The following IL9R variants were observed in gnomAD, a reference collection of about 807,000 sequenced individuals.
IL9R encodes interleukin-9 receptor.
IL9R carries 54 observed loss-of-function variants against 56.3 expected under a neutral mutation model. The observed-to-expected ratio is 0.96, with a 90% CI of 0.77 to 1.20. The LOEUF is 1.20. Ranked by LOEUF, IL9R falls within the 50% of genes most tolerant of loss-of-function variation. IL9R has a pLI of 0.00. For missense variants in IL9R, 545 were observed against 629.8 expected (o/e 0.87, Z 1.44); for synonymous variants, 212 against 250.2 (o/e 0.85, Z 1.44).
intron 8 of IL9R, among the ~76,000 whole-genome samples, chrX:156,009,307 T>G (rs2068309113): frequency 6.6e-6 from 1 of 150,942 alleles, no homozygotes; most frequent in Admixed American, 6.6e-5. Context: ...TATGTGTGTG[T>G]GTCTGTGTGT....
intron 1 of IL9R, among the ~76,000 whole-genome samples, chrX:156,001,697 A>G (rs2067541892): frequency 6.6e-6 from 1 of 152,016 alleles, no homozygotes; most frequent in Non-Finnish European, 1.5e-5. Flanking sequence ...GTCTTGTATA[A>G]CCAGGCTGGC....
intron 1 of IL9R, among the ~76,000 whole-genome samples, chrX:156,002,114 G>T (rs1169475256): frequency 6.6e-6 from 1 of 152,020 alleles, no homozygotes; most frequent in Non-Finnish European, 1.5e-5. Flanking sequence ...GGCCAAGGCA[G>T]GTGGATCCCT....
intron 1 of IL9R, among the ~76,000 whole-genome samples, chrX:155,998,868 G>A (rs2067316463): frequency 6.6e-6 from 1 of 152,018 alleles, no homozygotes; most frequent in Non-Finnish European, 1.5e-5. Flanking sequence ...CTGTGGGAGG[G>A]GTGTTTTGGG....
rs146403711 is a variant in IL9R, at chrX:156,004,261, G to A, written c.434-159G>A. 745 of 684,842 alleles carry A rather than the reference G, an allele frequency of 1.1e-3. 7 individuals are homozygous for A. In the African/African-American group the frequency reaches 0.011, roughly 10 times the overall value. 42.4% of individuals were successfully genotyped at this position (684,842 alleles called of 1,614,324 possible). On this transcript the variant is annotated intron_variant, in intron 4 of 8. Coordinates refer to ENST00000244174, the MANE Select transcript of IL9R (RefSeq NM_002186.3). ...GAGGAAGTCATTGCTGTCCTGTCCCGCCTGGGGCTTTTGTGGACCAGTCTC... is the reference window on the plus strand; with the variant it reads ...GAGGAAGTCATTGCTGTCCTGTCCCACCTGGGGCTTTTGTGGACCAGTCTC...
intron 1 of IL9R, among the ~76,000 whole-genome samples, chrX:155,999,666 C>G (rs2067380639): frequency 6.6e-6 from 1 of 152,156 alleles, no homozygotes; most frequent in Non-Finnish European, 1.5e-5. Flanking sequence ...GGCTCCATGT[C>G]CCCAGGCTCC....
intron 6 of IL9R, 71 bp downstream of exon 6, chrX:156,005,550 G>A: frequency 1.5e-6 from 2 of 1,316,790 alleles, no homozygotes; most frequent in East Asian, 2.3e-5. Flanking sequence ...GTTCACCTCA[G>A]CCCTGCACCC....
intron 1 of IL9R, among the ~76,000 whole-genome samples, chrX:155,998,808 T>G (rs946018098): frequency 3.3e-5 from 5 of 151,990 alleles, no homozygotes; most frequent in African/African-American, 1.2e-4. Flanking sequence ...AGGAGCCTCA[T>G]GTAGGGACAA....
intron 1 of IL9R, among the ~76,000 whole-genome samples, chrX:156,001,927 C>T (rs2067559851): frequency 6.6e-6 from 1 of 152,184 alleles, no homozygotes; most frequent in South Asian, 2.1e-4. Context: ...TGCCTTGGAA[C>T]AGGGGTGCAA....
At chrX:156,009,248 G>GTGTGTGTGTA (rs1569479052) in intron 8 of IL9R, among the ~76,000 whole-genome samples, 87 of 94,910 alleles carry the variant, frequency 9.2e-4, no homozygotes, top group Non-Finnish European at 1.1e-3. Context: ...TGTGGTGTGT[G>GTGTGTGTGTA]TGTCTGTGTG....
intron 8 of IL9R, among the ~76,000 whole-genome samples, chrX:156,009,244 GTGTGTGTC>G (rs1569479038): frequency 3.2e-4 from 11 of 33,916 alleles, no homozygotes; most frequent in East Asian, 3.4e-3. Flanking sequence ...TTCGTGTGGT[GTGTGTGTC>G]TGTGTGTGTG....
Position 156,010,498 on chromosome X carries a change from A to C in IL9R, c.*89A>C. The C allele has an allele frequency of 7.7e-6, 3 of 387,706 alleles. 1 individual carries two copies. The highest frequency in any genetic ancestry group is 1.2e-4 in the Admixed American group (2 of 17,252). The allele number at this position is 387,706 out of a possible 1,614,324, so 24.0% of individuals were successfully genotyped here. On this transcript the variant is annotated 3_prime_UTR_variant, in exon 9 of 9. Transcript: ENST00000244174. The stretch of plus-strand genomic sequence containing the variant: ...TTGTCTGAGACTGAACCTCCTGAGA[A>C]GGGGCCCCTAGCAGCGGTCAGAGGT...
chrX:155,999,227 C>A (rs1603100252), intron 1 of IL9R, among the ~76,000 whole-genome samples: 2 of 152,134 alleles, frequency 1.3e-5, no homozygotes, highest in South Asian at 4.2e-4. Flanking sequence ...CTCCCACCCA[C>A]CCTTGCCTAC....
intron 1 of IL9R, among the ~76,000 whole-genome samples, chrX:156,000,578 G>A (rs2067452244): frequency 6.6e-6 from 1 of 152,190 alleles, no homozygotes; most frequent in Non-Finnish European, 1.5e-5. Context: ...CTCTGTCCCA[G>A]GTGGCAGACA....
At position 156,004,486 on chromosome X, in the gene IL9R, G is replaced by A. The variant is rs753150697; in HGVS notation, c.500G>A (p.Ser167Asn). 60 of 1,613,824 alleles carry A rather than the reference G, an allele frequency of 3.7e-5. No individual in the cohort carries two copies. The Admixed American group carries it at 7.2e-4, about 19-fold the overall frequency. Residue 167 changes from serine to asparagine, a missense_variant, in exon 5 of 9, where the codon AGC becomes AAC. Coordinates refer to ENST00000244174, the MANE Select transcript of IL9R (RefSeq NM_002186.3). ...TCTGGCCACTGCATCCTGACCTGGA[G>A]CATCAGTCCTGCCTTGGAGCCAATG... Reference protein sequence around the residue: ...ISSGHCILTWSISPALEPMTT... With the variant: ...ISSGHCILTWNISPALEPMTT...
chrX:156,006,354 T>A (rs866188255), intron 7 of IL9R, among the ~76,000 whole-genome samples, 166 bp downstream of exon 7: 29 of 148,696 alleles, frequency 2.0e-4, no homozygotes, highest in East Asian at 1.4e-3. Context: ...CACTGCCTGG[T>A]CCTGGACGGG....
chrX:156,001,073 G>A (rs1232304272), intron 1 of IL9R, among the ~76,000 whole-genome samples: 11 of 152,052 alleles, frequency 7.2e-5, no homozygotes, highest in Non-Finnish European at 1.2e-4. Context: ...CCAACTCTCC[G>A]GTCCTACTTT....
chrX:155,998,518 C>T (rs1374940517), intron 1 of IL9R, among the ~76,000 whole-genome samples: 2 of 152,130 alleles, frequency 1.3e-5, no homozygotes, highest in African/African-American at 4.8e-5. Context: ...TGGGCTCACC[C>T]TCTTCCCAGA....
intron 1 of IL9R, among the ~76,000 whole-genome samples, chrX:155,999,253 G>T (rs1376443787): frequency 6.6e-6 from 1 of 151,978 alleles, no homozygotes; most frequent in African/African-American, 2.4e-5. Context: ...TCTGCCCTGG[G>T]TATGTGCCCT....
chrX:156,001,733 G>A (rs958526975), intron 1 of IL9R, among the ~76,000 whole-genome samples: 9 of 152,106 alleles, frequency 5.9e-5, no homozygotes, highest in Admixed American at 2.0e-4. Context: ...GGGGCTATCG[G>A]TGTACCATCT....
Sources: allele counts gnomAD v4.1 joint callset (sites outside exome capture counted in the v4.1 genomes callset), GRCh38; gene constraint gnomAD v4.1.1; transcripts MANE v1.5; gene names NCBI Gene and HGNC (gene_info 2026-07-23, HGNC 2026-07-21).